RBFOX1: variants seen among roughly 807,000 people sequenced by gnomAD.
RBFOX1 encodes RNA binding fox-1 homolog 1.
In RBFOX1, 8 loss-of-function variants were observed where a neutral mutation model predicts 57.7. The ratio of observed to expected loss-of-function variants is 0.14; its 90% CI spans 0.08 to 0.25. The LOEUF is 0.25. Ranked by LOEUF, RBFOX1 falls within the 10% of genes least tolerant of loss-of-function variation. RBFOX1 has a pLI of 1.00. For missense variants in RBFOX1, 611 were observed against 548.5 expected (o/e 1.11, Z -1.14); for synonymous variants, 326 against 222.4 (o/e 1.47, Z -4.15).
chr16:7,104,115 T>C (rs892266715), intron 4 of RBFOX1, among the ~76,000 whole-genome samples: 6 of 152,278 alleles, frequency 3.9e-5, no homozygotes, highest in Admixed American at 3.3e-4. Context: ...TTAAGAAATA[T>C]GTACCTATCT....
intron 1 of RBFOX1, among the ~76,000 whole-genome samples, chr16:6,311,012 C>T (rs192753447): frequency 1.3e-5 from 2 of 151,854 alleles, no homozygotes; most frequent in Non-Finnish European, 2.9e-5. Context: ...GAACTATTGG[C>T]TTGCCTGGAT....
intron 4 of RBFOX1, among the ~76,000 whole-genome samples, chr16:7,245,630 G>T (rs541400094): frequency 6.6e-6 from 1 of 152,180 alleles, no homozygotes; most frequent in Non-Finnish European, 1.5e-5. Context: ...GCTAGAGAAA[G>T]AGCTATGCTG....
chr16:6,924,422 C>T (rs1363083941), intron 3 of RBFOX1, among the ~76,000 whole-genome samples: 1 of 151,948 alleles, frequency 6.6e-6, no homozygotes, highest in African/African-American at 2.4e-5. Flanking sequence ...TGTGAACTAA[C>T]AGAGTGAGTG....
At chr16:6,871,911 C>CTGTGTGTGTGTGTGTGTG (rs57684251) in intron 3 of RBFOX1, among the ~76,000 whole-genome samples, 7 of 129,608 alleles carry the variant, frequency 5.4e-5, no homozygotes, top group African/African-American at 1.9e-4. Flanking sequence ...GGGAGAGAGT[C>CTGTGTGTGTGTGTGTGTG]TGTGTGTGTG....
chr16:6,718,668 G>C (rs1176858234), intron 3 of RBFOX1, among the ~76,000 whole-genome samples: 1 of 152,116 alleles, frequency 6.6e-6, no homozygotes, highest in Admixed American at 6.5e-5. Context: ...CCCCCTTGCT[G>C]TTTTTGTGAT....
rs140889687 is a variant in RBFOX1, at chr16:7,048,583, G to C, written c.-15-3474G>C. On this transcript the variant is annotated intron_variant, in intron 3 of 15. Transcript: ENST00000550418. Reference sequence around the variant, plus strand: ...TCCTTTTGGTTCTTTATTATCTTTTGTTTCTTTGCTAATGCTGTCAATTTT... The same window carrying C: ...TCCTTTTGGTTCTTTATTATCTTTTCTTTCTTTGCTAATGCTGTCAATTTT... Among the ~76,000 whole-genome samples the C allele has an allele frequency of 8.5e-4, 130 of 152,184 alleles. No individual in the cohort carries two copies. The East Asian group carries it at 0.025, about 29-fold the overall frequency.
intron 4 of RBFOX1, among the ~76,000 whole-genome samples, chr16:7,080,343 A>G (rs1209596700): frequency 1.1e-4 from 16 of 152,090 alleles, no homozygotes; most frequent in African/African-American, 3.6e-4. Context: ...CTTGCCTATC[A>G]TTCTGTACCT....
intron 9 of RBFOX1, among the ~76,000 whole-genome samples, chr16:7,599,985 G>C (rs77836466): frequency 2.1e-4 from 32 of 152,170 alleles, no homozygotes; most frequent in Admixed American, 1.0e-3. Flanking sequence ...GACCATGCCT[G>C]TGTGTATCAG....
In RBFOX1 at chr16:6,909,384, C is replaced by G. The variant is rs536283906; in HGVS notation, c.-15-142673C>G. ...GTCCACCTGGATAATCCTGGCAACT[C>G]TTCCATTTCAAGATCCTTTATTACA... On this transcript the variant is annotated intron_variant, in intron 3 of 15. Transcript: ENST00000550418. 3.3e-5 allele frequency among the ~76,000 whole-genome samples: 5 copies of G among 152,312 alleles called. No individual in the cohort carries two copies. The South Asian group carries it at 6.2e-4, about 19-fold the overall frequency.
At chr16:6,984,069 G>T (rs974958553) in intron 3 of RBFOX1, among the ~76,000 whole-genome samples, 1 of 152,132 alleles carries the variant, frequency 6.6e-6, no homozygotes. Context: ...TCAACATGGA[G>T]AAACCCTGTC....
chr16:6,798,857 C>G (rs908259664), intron 3 of RBFOX1, among the ~76,000 whole-genome samples: 3 of 152,076 alleles, frequency 2.0e-5, no homozygotes, highest in Non-Finnish European at 4.4e-5. Context: ...GTAATTCAAT[C>G]TGCAGTTTGA....
intron 4 of RBFOX1, among the ~76,000 whole-genome samples, chr16:5,973,465 T>G (rs1567208052): frequency 6.6e-6 from 1 of 152,164 alleles, no homozygotes; most frequent in Non-Finnish European, 1.5e-5. Context: ...CCCTTAGCAG[T>G]AAAATGGGGA....
At chr16:6,879,247 C>T (rs999954472) in intron 3 of RBFOX1, among the ~76,000 whole-genome samples, 4 of 152,092 alleles carry the variant, frequency 2.6e-5, no homozygotes, top group Admixed American at 6.5e-5. Flanking sequence ...ATGGAATTGG[C>T]TTTCAGTGAA....
In RBFOX1 at chr16:5,343,223, C is replaced by G. The variant is rs192737656; in HGVS notation, c.219+103118C>G. On this transcript the variant is annotated intron_variant, in intron 1 of 2. Transcript: ENST00000585867. ...TTGGTGACATTGTTGCTTGATCAAACCATACCTAAAGTCCTACTTCTGTAC... is the reference window on the plus strand; with the variant it reads ...TTGGTGACATTGTTGCTTGATCAAAGCATACCTAAAGTCCTACTTCTGTAC... 1.5e-3 allele frequency among the ~76,000 whole-genome samples: 229 copies of G among 151,736 alleles called. 1 individual carries two copies. Among genetic ancestry groups the G allele is most frequent in the African/African-American group, 5.3e-3 (218 of 41,348 alleles).
chr16:5,827,632 G>T (rs1289199313), intron 3 of RBFOX1, among the ~76,000 whole-genome samples: 1 of 152,180 alleles, frequency 6.6e-6, no homozygotes. Flanking sequence ...GGCAACCACA[G>T]AGGGTGTGCA....
At chr16:7,001,452 A>G (rs2092796638) in intron 3 of RBFOX1, among the ~76,000 whole-genome samples, 1 of 151,164 alleles carries the variant, frequency 6.6e-6, no homozygotes, top group South Asian at 2.1e-4. Context: ...GTATATGTAT[A>G]TGTATACGTG....
intron 2 of RBFOX1, among the ~76,000 whole-genome samples, chr16:6,634,985 TTATA>T (rs1481248634): frequency 7.0e-6 from 1 of 141,982 alleles, no homozygotes; most frequent in African/African-American, 2.5e-5. Flanking sequence ...ATGTTTTAAT[TTATA>T]TATAATGTAA....
chr16:5,368,860 A>ACCCTCTGG (rs1360337230), intron 1 of RBFOX1, among the ~76,000 whole-genome samples: 2 of 152,006 alleles, frequency 1.3e-5, no homozygotes, highest in Non-Finnish European at 2.9e-5. Flanking sequence ...AAGAGAGGCC[A>ACCCTCTGG]CCCTCTGGCA....
intron 3 of RBFOX1, among the ~76,000 whole-genome samples, chr16:7,020,218 G>A (rs2094136677): frequency 6.6e-6 from 1 of 151,556 alleles, no homozygotes; most frequent in Non-Finnish European, 1.5e-5. Flanking sequence ...TTGTTTCTTT[G>A]TTTCTTTCTT....
Sources: gnomAD v4.1 joint callset for allele counts (sites outside exome capture counted in the v4.1 genomes callset) on GRCh38, gnomAD v4.1.1 for gene constraint, MANE v1.5 for transcripts, NCBI Gene and HGNC (gene_info 2026-07-23, HGNC 2026-07-21) for gene names.